ZNF385D: variants seen among roughly 807,000 people sequenced by gnomAD.
ZNF385D encodes zinc finger protein 659.
Under a neutral mutation model 35.8 loss-of-function variants are expected in ZNF385D, and 15 were observed. That is an observed-to-expected ratio of 0.42 (90% CI 0.28 to 0.64). The LOEUF is 0.64. Ranked by LOEUF, ZNF385D falls within the 30% of genes least tolerant of loss-of-function variation. The pLI, the probability that ZNF385D is intolerant of heterozygous loss-of-function variation, is 0.23. For missense variants in ZNF385D, 474 were observed against 494.6 expected, an observed-to-expected ratio of 0.96 and a Z score of 0.39; for synonymous variants, 212 against 186.8, an observed-to-expected ratio of 1.13 and a Z score of -1.10.
At chr3:22,024,635 C>T (rs1354805635) in intron 3 of ZNF385D, among the ~76,000 whole-genome samples, 1 of 152,112 alleles carries the variant, frequency 6.6e-6, no homozygotes, top group African/African-American at 2.4e-5. Context: ...ATGGAGAGCA[C>T]TGATAGTGCT....
In ZNF385D at chr3:21,426,772, T is replaced by C. The variant is rs777958606; in HGVS notation, c.674-1102A>G. Among the ~76,000 whole-genome samples the C allele has an allele frequency of 1.2e-4, 18 of 152,250 alleles. No homozygotes were observed. The East Asian group carries it at 2.7e-3, about 23-fold the overall frequency. On this transcript the variant is annotated intron_variant, in intron 5 of 7. Coordinates refer to ENST00000281523, the MANE Select transcript of ZNF385D (RefSeq NM_024697.3). ...ACTAAATGTTAATGAGGAAAATATA[T>C]TGTGAAGGGCACTCGAGGTCACTGC...
Position 22,089,061 on chromosome 3 carries a change from G to C in ZNF385D, c.325+79756C>G, listed in dbSNP as rs138880783. ...AGGGATCATAAGAAAAATCAAATAA[G>C]CAAAAATAACCAAGAAAAAGATACA... On this transcript the variant is annotated intron_variant, in intron 3 of 5. Transcript: ENST00000494108. Among the ~76,000 whole-genome samples the C allele has an allele frequency of 2.4e-3, 358 of 152,142 alleles. 1 individual carries two copies. The highest frequency in any genetic ancestry group is 7.8e-3 in the African/African-American group (324 of 41,528).
chr3:22,031,510 C>T (rs1698000662), intron 3 of ZNF385D, among the ~76,000 whole-genome samples: 1 of 152,192 alleles, frequency 6.6e-6, no homozygotes, highest in African/African-American at 2.4e-5. Flanking sequence ...TGCACCTTGC[C>T]CCTTTTAGCC....
chr3:22,335,606 T>A (rs751363186), intron 2 of ZNF385D, among the ~76,000 whole-genome samples: 8 of 152,168 alleles, frequency 5.3e-5, no homozygotes, highest in Non-Finnish European at 1.2e-4. Flanking sequence ...TCTCCCTCAC[T>A]GCAACAGGTA....
At chr3:21,804,758 A>G (rs1271169804) in intron 3 of ZNF385D, among the ~76,000 whole-genome samples, 2 of 124,986 alleles carry the variant, frequency 1.6e-5, no homozygotes, top group African/African-American at 6.4e-5. Flanking sequence ...TGAAGACACT[A>G]AATGTCAGAG....
intron 3 of ZNF385D, among the ~76,000 whole-genome samples, chr3:22,002,348 C>G (rs767733986): frequency 8.6e-5 from 13 of 151,974 alleles, no homozygotes; most frequent in African/African-American, 2.9e-4. Flanking sequence ...CTAGAGCAAA[C>G]AGATAAATTC....
chr3:22,102,640 A>G (rs1701998117), intron 3 of ZNF385D, among the ~76,000 whole-genome samples: 1 of 152,110 alleles, frequency 6.6e-6, no homozygotes, highest in African/African-American at 2.4e-5. Flanking sequence ...ACAATAGGAC[A>G]TATTGATGAC....
chr3:21,482,556 G>A (rs531841779), intron 4 of ZNF385D, among the ~76,000 whole-genome samples: 1 of 152,204 alleles, frequency 6.6e-6, no homozygotes, highest in East Asian at 1.9e-4. Flanking sequence ...AAGAAACCTG[G>A]GAGATTACTC....
chr3:22,122,238 C>T (rs2125667602), intron 3 of ZNF385D, among the ~76,000 whole-genome samples: 1 of 152,234 alleles, frequency 6.6e-6, no homozygotes, highest in East Asian at 1.9e-4. Flanking sequence ...AGAACTTGCT[C>T]TTACTAATTG....
intron 3 of ZNF385D, among the ~76,000 whole-genome samples, chr3:21,778,481 ACC>A (rs756020442): frequency 2.8e-4 from 43 of 151,848 alleles, no homozygotes; most frequent in Non-Finnish European, 5.2e-4. Context: ...ACATCGAAGC[ACC>A]CTGTAGTCTA....
intron 3 of ZNF385D, among the ~76,000 whole-genome samples, chr3:21,995,501 G>T (rs1285402290): frequency 6.6e-6 from 1 of 152,128 alleles, no homozygotes; most frequent in African/African-American, 2.4e-5. Context: ...GTATGCACAG[G>T]TGTAGGTGGC....
intron 3 of ZNF385D, among the ~76,000 whole-genome samples, chr3:22,031,440 A>C (rs1030257491): frequency 1.3e-5 from 2 of 152,200 alleles, no homozygotes; most frequent in Non-Finnish European, 1.5e-5. Context: ...CCGTAGACCC[A>C]ACACCATGTG....
At position 21,979,296 on chromosome 3, in the gene ZNF385D, T is replaced by C. The variant is rs113922674; in HGVS notation, c.325+189521A>G. Among the ~76,000 whole-genome samples, 399 of 152,320 alleles carry C rather than the reference T, an allele frequency of 2.6e-3. 2 individuals carry two copies. Among genetic ancestry groups the C allele is most frequent in the African/African-American group, 9.1e-3 (377 of 41,568 alleles). ...AAATTCTGTGCTATTATATTATGTATATTTAACCCCACATGTCACTATTAA... is the reference window on the plus strand; with the variant it reads ...AAATTCTGTGCTATTATATTATGTACATTTAACCCCACATGTCACTATTAA... On this transcript the variant is annotated intron_variant, in intron 3 of 5. Coordinates refer to the ZNF385D transcript ENST00000494108.
intron 3 of ZNF385D, among the ~76,000 whole-genome samples, chr3:22,098,819 A>G (rs540470075): frequency 6.6e-6 from 1 of 152,204 alleles, no homozygotes; most frequent in African/African-American, 2.4e-5. Flanking sequence ...AGTATCACAT[A>G]CAGTGATACT....
At chr3:21,535,988 C>G (rs1386990448) in intron 3 of ZNF385D, among the ~76,000 whole-genome samples, 1 of 149,546 alleles carries the variant, frequency 6.7e-6, no homozygotes, top group Non-Finnish European at 1.5e-5. Flanking sequence ...GGATTCCCCA[C>G]AATCATAACA....
At chr3:22,320,256 G>C (rs1350615632) in intron 2 of ZNF385D, among the ~76,000 whole-genome samples, 1 of 152,032 alleles carries the variant, frequency 6.6e-6, no homozygotes, top group Non-Finnish European at 1.5e-5. Context: ...CTCTGCAGCT[G>C]ATTAACAGAG....
At chr3:21,694,251 G>C (rs1405488832) in intron 1 of ZNF385D, among the ~76,000 whole-genome samples, 1 of 151,804 alleles carries the variant, frequency 6.6e-6, no homozygotes, top group Non-Finnish European at 1.5e-5. Flanking sequence ...CACCGTGTTA[G>C]CCAGGATGGT....
At chr3:21,815,693 C>T (rs1216671543) in intron 3 of ZNF385D, among the ~76,000 whole-genome samples, 1 of 152,136 alleles carries the variant, frequency 6.6e-6, no homozygotes, top group African/African-American at 2.4e-5. Flanking sequence ...AATTAATAGC[C>T]TACCAACCAA....
At chr3:22,173,297 T>C (rs1694591502) in intron 2 of ZNF385D, among the ~76,000 whole-genome samples, 1 of 152,098 alleles carries the variant, frequency 6.6e-6, no homozygotes, top group East Asian at 1.9e-4. Flanking sequence ...ATTAATGAAA[T>C]CCAAATAAAA....
Sources: allele counts gnomAD v4.1 joint callset (sites outside exome capture counted in the v4.1 genomes callset), GRCh38; gene constraint gnomAD v4.1.1; transcripts MANE v1.5; gene names NCBI Gene and HGNC (gene_info 2026-07-23, HGNC 2026-07-21).